The following USP13 variants were observed in gnomAD, a reference collection of about 807,000 sequenced individuals.
The protein encoded by USP13 is ubiquitin specific peptidase 13, also known as ubiquitin carboxyl-terminal hydrolase 13.
USP13 carries 68 observed loss-of-function variants against 107.8 expected under a neutral mutation model. That is an observed-to-expected ratio of 0.63 (90% CI 0.52 to 0.77). The LOEUF (loss-of-function observed/expected upper bound fraction) is 0.77, where lower values mean the gene tolerates loss of function less well. Ranked by LOEUF, USP13 falls within the 30% of genes least tolerant of loss-of-function variation. The pLI is 0.00. For missense variants in USP13, 945 were observed against 1,093.3 expected (o/e 0.86, Z 1.91); for synonymous variants, 377 against 389.5 (o/e 0.97, Z 0.38).
intron 5 of USP13, 47 bp downstream of exon 5, chr3:179,707,123 A>G (rs748338794): frequency 2.4e-5 from 38 of 1,553,486 alleles, no homozygotes; most frequent in Non-Finnish European, 3.1e-5. Context: ...AAAACTGTCC[A>G]AAGGAATATT....
At chr3:179,766,777 A>G (rs73885940) in intron 19 of USP13, among the ~76,000 whole-genome samples, 1,637 of 152,324 alleles carry the variant, frequency 0.011, 28 homozygotes, top group African/African-American at 0.037. Flanking sequence ...TAAGAGATGG[A>G]GCCAAGATTC....
In USP13 at chr3:179,754,955, A is replaced by T. The variant is rs1399152511; in HGVS notation, c.1921+101A>T. 2.8e-6 allele frequency: 4 copies of T among 1,405,040 alleles called. No individual in the cohort carries two copies. The Admixed American group carries it at 1.0e-4, about 35-fold the overall frequency. The allele number at this position is 1,405,040 out of a possible 1,614,324, so 87.0% of individuals were successfully genotyped here. ...TGTGTTGCTGCTACCACCACCACCCATTGGTGGTCTAGCTGCCTTGCTGTG... is the reference window on the plus strand; with the variant it reads ...TGTGTTGCTGCTACCACCACCACCCTTTGGTGGTCTAGCTGCCTTGCTGTG... On this transcript the variant is annotated intron_variant, in intron 15 of 20. Coordinates refer to ENST00000263966, the MANE Select transcript of USP13 (RefSeq NM_003940.3).
chr3:179,777,229 G>A (rs1715575022), intron 19 of USP13, among the ~76,000 whole-genome samples: 2 of 151,966 alleles, frequency 1.3e-5, no homozygotes, highest in African/African-American at 4.8e-5. Flanking sequence ...TGACATGTTT[G>A]GATATAGTGG....
intron 3 of USP13, among the ~76,000 whole-genome samples, chr3:179,691,818 A>G (rs1394782334): frequency 6.6e-6 from 1 of 152,180 alleles, no homozygotes; most frequent in African/African-American, 2.4e-5. Flanking sequence ...TGTTTATGCA[A>G]GTGACTACTG....
intron 2 of USP13, among the ~76,000 whole-genome samples, chr3:179,688,154 T>TATCC (rs1179508797): frequency 1.7e-4 from 10 of 58,342 alleles, no homozygotes; most frequent in Admixed American, 3.8e-4. Context: ...TCCATCCGTA[T>TATCC]ATCCATCCAT....
At chr3:179,684,977 A>T (rs1205273697) in intron 2 of USP13, among the ~76,000 whole-genome samples, 1 of 152,192 alleles carries the variant, frequency 6.6e-6, no homozygotes, top group Non-Finnish European at 1.5e-5. Flanking sequence ...TGTAAGCTCT[A>T]TGAGGGCAGG....
chr3:179,773,307 T>C (rs1214110924), intron 19 of USP13, among the ~76,000 whole-genome samples: 1 of 152,160 alleles, frequency 6.6e-6, no homozygotes, highest in African/African-American at 2.4e-5. Context: ...GTAAAGAGCA[T>C]TGGATGAGAA....
chr3:179,754,138 A>G (rs1295298390), intron 14 of USP13, among the ~76,000 whole-genome samples: 2 of 152,192 alleles, frequency 1.3e-5, no homozygotes, highest in East Asian at 1.9e-4. Flanking sequence ...GCTTGTAGCT[A>G]GCTATCTTGG....
At chr3:179,780,085 C>T (rs966839201) in intron 19 of USP13, among the ~76,000 whole-genome samples, 26 of 152,172 alleles carry the variant, frequency 1.7e-4, no homozygotes, top group African/African-American at 3.6e-4. Context: ...TCTTCCTCAA[C>T]GTGATAAAAT....
intron 8 of USP13, among the ~76,000 whole-genome samples, chr3:179,728,116 A>G (rs1212299987): frequency 1.9e-5 from 2 of 103,910 alleles, no homozygotes; most frequent in Non-Finnish European, 2.1e-5. Flanking sequence ...CTGGCCGGGC[A>G]GAGGGGCTCC....
Position 179,690,242 on chromosome 3 carries a change from A to C in USP13, c.296A>C (p.Lys99Thr). ...AATGATCTTTTGTTTTCTTTTCAGA[A>C]GGTAAGAGGGGCGTCTGGTGGAGCG... ...YMHLKRHVRE[K>T]VRGASGGALP... is the part of the protein sequence containing the mutation. The change falls in exon 3 of 21, where the codon AAG (lysine) becomes ACG (threonine). Residue 99 changes from lysine to threonine, a missense_variant and splice_region_variant. Coordinates refer to ENST00000263966, the MANE Select transcript of USP13 (RefSeq NM_003940.3). The C allele has an allele frequency of 6.2e-7, 1 of 1,612,932 alleles. No individual in the cohort carries two copies. The highest frequency in any genetic ancestry group is 8.5e-7 in the Non-Finnish European group (1 of 1,179,656).
chr3:179,730,012 C>T (rs529597246), intron 8 of USP13, among the ~76,000 whole-genome samples, 177 bp from the exon 9 acceptor site: 2 of 152,260 alleles, frequency 1.3e-5, no homozygotes, highest in South Asian at 2.1e-4. Context: ...GAAGCATAAA[C>T]GTTTCAGGAA....
Position 179,740,348 on chromosome 3 carries a change from C to T in USP13, c.1356C>T (p.Phe452=), listed in dbSNP as rs765803935. Residue 452 remains phenylalanine (F), a synonymous_variant, in exon 11 of 21, where the codon TTC becomes TTT. Transcript: ENST00000263966. ...GGCAGCAAGATGCCCAGGAATTCTT[C>T]TTGCACCTGGTGAATCTAGTAGAGG... ...SNRQQDAQEF[F]LHLVNLVERN... is the part of the protein sequence containing the mutation. 9 of 1,613,994 alleles carry T rather than the reference C, an allele frequency of 5.6e-6. No homozygotes were observed. The South Asian group carries it at 9.9e-5, about 18-fold the overall frequency.
At chr3:179,702,083 G>T (rs916355621) in intron 4 of USP13, among the ~76,000 whole-genome samples, 6 of 151,878 alleles carry the variant, frequency 4.0e-5, no homozygotes, top group Non-Finnish European at 7.4e-5. Context: ...GCCGTGGCGC[G>T]ATCTCGGCTC....
At chr3:179,756,734 G>C (rs1714816186) in intron 15 of USP13, among the ~76,000 whole-genome samples, 1 of 152,094 alleles carries the variant, frequency 6.6e-6, no homozygotes, top group Non-Finnish European at 1.5e-5. Context: ...CTCTGGGTCT[G>C]GGCAACAGAG....
chr3:179,763,523 T>C (rs1222120942), intron 17 of USP13, among the ~76,000 whole-genome samples: 1 of 152,206 alleles, frequency 6.6e-6, no homozygotes, highest in East Asian at 1.9e-4. Flanking sequence ...CACAGGTATA[T>C]GGTTTTATTT....
At position 179,719,643 on chromosome 3, in the gene USP13, T is replaced by C. The variant is rs139738634; in HGVS notation, c.806-297T>C. ...AGTTAGAAAAATCAAGTGTTAGGCA[T>C]TTATACTTGTATACTTATTAGATAC... On this transcript the variant is annotated intron_variant, in intron 6 of 20. Coordinates refer to ENST00000263966, the MANE Select transcript of USP13 (RefSeq NM_003940.3). Among the ~76,000 whole-genome samples, 742 of 152,354 alleles carry C rather than the reference T, an allele frequency of 4.9e-3. 6 individuals are homozygous for C. The Middle Eastern group carries it at 0.058, about 12-fold the overall frequency.
intron 13 of USP13, among the ~76,000 whole-genome samples, chr3:179,748,734 C>T (rs1465178375): frequency 6.6e-6 from 1 of 152,156 alleles, no homozygotes; most frequent in Non-Finnish European, 1.5e-5. Context: ...TTTTACTTAC[C>T]CATTCTCATT....
chr3:179,760,708 T>C (rs567065437), intron 16 of USP13, among the ~76,000 whole-genome samples: 1 of 152,314 alleles, frequency 6.6e-6, no homozygotes. Context: ...AGGCCTGCAG[T>C]AACTTTCTGT....
Sources: allele counts gnomAD v4.1 joint callset (sites outside exome capture counted in the v4.1 genomes callset), GRCh38; gene constraint gnomAD v4.1.1; transcripts MANE v1.5; gene names NCBI Gene and HGNC (gene_info 2026-07-23, HGNC 2026-07-21).